CTNNA3: variants seen among roughly 807,000 people sequenced by gnomAD.
CTNNA3 encodes the protein catenin alpha-3.
CTNNA3 carries 76 observed loss-of-function variants against 95.7 expected under a neutral mutation model. The ratio of observed to expected loss-of-function variants is 0.79; its 90% CI spans 0.66 to 0.96. The LOEUF (loss-of-function observed/expected upper bound fraction) is 0.96, where lower values mean the gene tolerates loss of function less well. Ranked by LOEUF, CTNNA3 falls within the 40% of genes least tolerant of loss-of-function variation. The pLI is 0.00. For synonymous variants in CTNNA3, 431 were observed against 374.4 expected (o/e 1.15, Z -1.74); for missense variants, 1,191 against 1,089.8 (o/e 1.09, Z -1.31).
At chr10:66,771,924 A>G in intron 8 of CTNNA3, among the ~76,000 whole-genome samples, 1 of 152,168 alleles carries the variant, frequency 6.6e-6, no homozygotes, top group Non-Finnish European at 1.5e-5. Flanking sequence ...GGTCCATTCC[A>G]GCTGGTGAAA....
At chr10:66,107,274 T>A (rs1244637645) in intron 13 of CTNNA3, among the ~76,000 whole-genome samples, 1 of 152,186 alleles carries the variant, frequency 6.6e-6, no homozygotes, top group African/African-American at 2.4e-5. Flanking sequence ...TACCTCTGGC[T>A]TATTATGGTG....
intron 12 of CTNNA3, among the ~76,000 whole-genome samples, chr10:66,356,556 C>T (rs2092612225): frequency 6.6e-6 from 1 of 151,266 alleles, no homozygotes. Flanking sequence ...GTCATCTGCA[C>T]ATAGAAAAAT....
At chr10:66,345,974 G>A (rs934295072) in intron 12 of CTNNA3, among the ~76,000 whole-genome samples, 1 of 149,730 alleles carries the variant, frequency 6.7e-6, no homozygotes, top group Non-Finnish European at 1.5e-5. Flanking sequence ...CTACTGGGGA[G>A]GCCGAGACAG....
At position 66,391,131 on chromosome 10, in the gene CTNNA3, C is replaced by A. The variant is rs550583903; in HGVS notation, c.1532-11779G>T. Among the ~76,000 whole-genome samples the A allele has an allele frequency of 3.8e-4, 58 of 152,176 alleles. 1 individual carries two copies. The South Asian group carries it at 6.2e-3, about 16-fold the overall frequency. On this transcript the variant is annotated intron_variant, in intron 11 of 17. Coordinates refer to ENST00000433211, the MANE Select transcript of CTNNA3 (RefSeq NM_013266.4). ...AACTTTAACAAAATTTGCCCAGTTT[C>A]TTTGCACTGAAAGCTGCTTATTCTT...
intron 6 of CTNNA3, among the ~76,000 whole-genome samples, chr10:67,214,318 A>G (rs10430512): frequency 1.3e-5 from 2 of 151,544 alleles, no homozygotes; most frequent in South Asian, 2.1e-4. Flanking sequence ...AGTAGTTACT[A>G]TAGACATTTT....
chr10:67,400,752 A>G (rs992592154), intron 5 of CTNNA3, among the ~76,000 whole-genome samples: 2 of 152,222 alleles, frequency 1.3e-5, no homozygotes, highest in African/African-American at 2.4e-5. Context: ...AATTAATAAT[A>G]TGTAATTTAA....
rs566784786 is a variant in CTNNA3 at position 66,967,325 on chromosome 10, G to A, written c.1048-191801C>T. ...ATAGGTATAGATAGATATAGATATG[G>A]ATATAGACATATATATATATAGATA... On this transcript the variant is annotated intron_variant, in intron 7 of 17. Coordinates refer to ENST00000433211, the MANE Select transcript of CTNNA3 (RefSeq NM_013266.4). Among the ~76,000 whole-genome samples the A allele has an allele frequency of 8.2e-5, 12 of 146,584 alleles. No individual in the cohort carries two copies. In the East Asian group the frequency reaches 2.2e-3, roughly 26 times the overall value.
At chr10:66,739,936 A>C (rs974482107) in intron 9 of CTNNA3, among the ~76,000 whole-genome samples, 1 of 152,204 alleles carries the variant, frequency 6.6e-6, no homozygotes, top group Non-Finnish European at 1.5e-5. Context: ...GTGTATTAAA[A>C]CATGAAGAAC....
At chr10:66,955,713 C>G (rs948470496) in intron 7 of CTNNA3, among the ~76,000 whole-genome samples, 1 of 152,138 alleles carries the variant, frequency 6.6e-6, no homozygotes, top group African/African-American at 2.4e-5. Context: ...AACTGGAGAT[C>G]AGCCTCCATT....
chr10:67,587,094 A>G (rs1341015055), intron 3 of CTNNA3, among the ~76,000 whole-genome samples: 1 of 151,930 alleles, frequency 6.6e-6, no homozygotes, highest in Admixed American at 6.6e-5. Flanking sequence ...GCCTGATCAC[A>G]ACTCACTACA....
intron 5 of CTNNA3, among the ~76,000 whole-genome samples, chr10:67,478,924 A>T (rs1848117177): frequency 6.6e-6 from 1 of 152,058 alleles, no homozygotes. Context: ...TTGGGAAAAG[A>T]TCTATCATGT....
intron 13 of CTNNA3, among the ~76,000 whole-genome samples, chr10:66,140,137 G>A (rs528055093): frequency 1.5e-4 from 23 of 152,182 alleles, no homozygotes; most frequent in African/African-American, 4.3e-4. Context: ...CTAACTAATC[G>A]CCACATAACA....
intron 13 of CTNNA3, among the ~76,000 whole-genome samples, chr10:66,199,322 C>T (rs1264028242): frequency 1.3e-5 from 2 of 152,042 alleles, no homozygotes; most frequent in South Asian, 2.1e-4. Context: ...CCTACTCTCA[C>T]GAAATACCAG....
intron 10 of CTNNA3, among the ~76,000 whole-genome samples, chr10:66,566,326 G>A (rs1322866708): frequency 2.0e-5 from 3 of 152,060 alleles, no homozygotes; most frequent in Non-Finnish European, 4.4e-5. Context: ...GAGGAATCAG[G>A]GATGATTATC....
intron 14 of CTNNA3, among the ~76,000 whole-genome samples, chr10:66,084,205 T>C (rs946801813): frequency 2.0e-5 from 3 of 150,288 alleles, no homozygotes; most frequent in Non-Finnish European, 3.0e-5. Flanking sequence ...GATAGTGAGT[T>C]TGCAGAAGAG....
intron 9 of CTNNA3, among the ~76,000 whole-genome samples, chr10:66,680,509 T>C (rs189146646): frequency 7.8e-4 from 119 of 152,306 alleles, no homozygotes; most frequent in African/African-American, 2.6e-3. Flanking sequence ...TGGATTGGTA[T>C]GTATGAATGA....
At chr10:67,636,711 T>C (rs545366058) in intron 2 of CTNNA3, among the ~76,000 whole-genome samples, 1 of 152,252 alleles carries the variant, frequency 6.6e-6, no homozygotes, top group East Asian at 1.9e-4. Flanking sequence ...TTCACCAATA[T>C]TCGCTGTTCT....
chr10:66,749,338 G>A (rs768916586), intron 9 of CTNNA3, among the ~76,000 whole-genome samples: 8 of 151,100 alleles, frequency 5.3e-5, no homozygotes, highest in Non-Finnish European at 8.8e-5. Context: ...CAGTTTCACT[G>A]CCCTAAAAAT....
At chr10:66,157,765 C>G (rs1422215914) in intron 13 of CTNNA3, among the ~76,000 whole-genome samples, 1 of 151,940 alleles carries the variant, frequency 6.6e-6, no homozygotes, top group Non-Finnish European at 1.5e-5. Flanking sequence ...ATAGTGGCTG[C>G]ATGAGTTTAC....
Sources: gnomAD v4.1 joint callset for allele counts (sites outside exome capture counted in the v4.1 genomes callset) on GRCh38, gnomAD v4.1.1 for gene constraint, MANE v1.5 for transcripts, NCBI Gene and HGNC (gene_info 2026-07-23, HGNC 2026-07-21) for gene names.